COX10: variants seen among roughly 807,000 people sequenced by gnomAD.
COX10 encodes cytochrome c oxidase assembly factor heme A:farnesyltransferase COX10.
A neutral mutation model predicts 37.3 loss-of-function variants in COX10; 27 were observed. That is an observed-to-expected ratio of 0.72 (90% confidence interval 0.53 to 1.00). The LOEUF (loss-of-function observed/expected upper bound fraction) is 1.00, where lower values mean the gene tolerates loss of function less well. Among genes scored for constraint, COX10 ranks in the 50% least tolerant of loss-of-function variants. The probability of loss-of-function intolerance (pLI) is 0.00; values close to 1 mark genes in which losing one functional copy is unlikely to be tolerated. For missense variants in COX10, 475 were observed against 563.2 expected (o/e 0.84, Z 1.59); for synonymous variants, 222 against 229.1 (o/e 0.97, Z 0.28).
intron 6 of COX10, among the ~76,000 whole-genome samples, chr17:14,205,538 C>G (rs530452266): frequency 6.6e-6 from 1 of 152,306 alleles, no homozygotes; most frequent in African/African-American, 2.4e-5. Context: ...GCCATGGTAT[C>G]CCCAGTGCCT....
chr17:14,070,053 C>G (rs972752501), intron 1 of COX10, among the ~76,000 whole-genome samples: 2 of 152,182 alleles, frequency 1.3e-5, no homozygotes, highest in African/African-American at 4.8e-5. Context: ...AAGCCTTGTT[C>G]CAATATAAAG....
chr17:14,097,482 G>A (rs992460934), intron 3 of COX10, among the ~76,000 whole-genome samples: 5 of 151,828 alleles, frequency 3.3e-5, no homozygotes, highest in Non-Finnish European at 7.4e-5. Context: ...ATAAAACACC[G>A]TTCTTGTCCC....
chr17:14,159,976 C>G, intron 5 of COX10, 29 bp downstream of exon 5: 1 of 1,564,176 alleles, frequency 6.4e-7, no homozygotes, highest in Non-Finnish European at 8.8e-7. Context: ...GTGTCTTCCA[C>G]ATTATAAAAC....
chr17:14,184,230 G>A (rs1597541343), intron 5 of COX10, among the ~76,000 whole-genome samples: 1 of 152,166 alleles, frequency 6.6e-6, no homozygotes, highest in African/African-American at 2.4e-5. Context: ...CATTGAAAGA[G>A]CCATAATACA....
chr17:14,159,939 A>G lies in COX10; in HGVS notation c.687A>G (p.Gly229=), dbSNP rs947066094. The G allele has an allele frequency of 6.2e-7, 1 of 1,611,968 alleles. No individual in the cohort carries two copies. ...NRTKNRPLVR[G]QISPLLAVSF... is the part of the protein sequence containing the mutation. ...CAAAGAACAGACCGCTGGTTCGTGG[A>G]CAGATCAGGTAAAATCACGAATACA... The change falls in exon 5 of 7, where the codon GGA becomes GGG. Residue 229 remains glycine, a synonymous_variant. Transcript: ENST00000261643.
chr17:14,181,898 A>G, intron 5 of COX10: 3 of 688,790 alleles, frequency 4.4e-6, no homozygotes, highest in Non-Finnish European at 3.6e-6. Context: ...TTAATTTAAG[A>G]TGAATTGGTG....
At chr17:14,116,233 A>G (rs1363546580) in intron 4 of COX10, among the ~76,000 whole-genome samples, 2 of 152,154 alleles carry the variant, frequency 1.3e-5, no homozygotes, top group Non-Finnish European at 2.9e-5. Context: ...TCAGTTACCC[A>G]CAGTCAACTG....
intron 5 of COX10, among the ~76,000 whole-genome samples, chr17:14,169,208 A>C (rs746386490): frequency 6.6e-6 from 1 of 152,222 alleles, no homozygotes; most frequent in Non-Finnish European, 1.5e-5. Context: ...GCAGGGGCAT[A>C]ATGTCTCTTT....
intron 3 of COX10, among the ~76,000 whole-genome samples, chr17:14,091,015 A>C (rs1221376916): frequency 2.0e-5 from 3 of 152,208 alleles, no homozygotes; most frequent in Admixed American, 6.6e-5. Context: ...TGAACAGCTT[A>C]GCCTTTTAAT....
chr17:14,075,765 C>G (rs886628265), intron 2 of COX10, among the ~76,000 whole-genome samples: 1 of 151,874 alleles, frequency 6.6e-6, no homozygotes, highest in South Asian at 2.1e-4. Context: ...CCGAGGCGGG[C>G]GGATCATGAG....
chr17:14,149,350 G>C (rs1904823837), intron 4 of COX10, among the ~76,000 whole-genome samples: 1 of 152,148 alleles, frequency 6.6e-6, no homozygotes, highest in Admixed American at 6.6e-5. Flanking sequence ...GAAATGAAAT[G>C]ATTTGAAGTG....
At chr17:14,177,178 C>A (rs542238004) in intron 5 of COX10, 22 of 688,164 alleles carry the variant, frequency 3.2e-5, no homozygotes, top group Non-Finnish European at 5.5e-5. Flanking sequence ...AGGAATGTCT[C>A]GTCTTCTTCA....
At chr17:14,076,193 C>G (rs1487476813) in intron 2 of COX10, among the ~76,000 whole-genome samples, 1 of 131,776 alleles carries the variant, frequency 7.6e-6, no homozygotes. Context: ...ACAGCTCAAT[C>G]TCCTAGGCTC....
chr17:14,180,595 G>C (rs1384673695), intron 5 of COX10, among the ~76,000 whole-genome samples: 1 of 152,106 alleles, frequency 6.6e-6, no homozygotes, highest in Non-Finnish European at 1.5e-5. Flanking sequence ...GGATTCTTCT[G>C]TTCTCATCTC....
chr17:14,196,011 G>C (rs917289167), intron 6 of COX10, among the ~76,000 whole-genome samples: 1 of 151,964 alleles, frequency 6.6e-6, no homozygotes, highest in African/African-American at 2.4e-5. Flanking sequence ...TTTTATCTTA[G>C]GGGACATGTA....
chr17:14,135,032 C>T (rs552873911), intron 4 of COX10, among the ~76,000 whole-genome samples: 26 of 151,476 alleles, frequency 1.7e-4, no homozygotes, highest in African/African-American at 9.7e-5. Flanking sequence ...CAGTATATAA[C>T]GATGCATATA....
intron 4 of COX10, among the ~76,000 whole-genome samples, chr17:14,140,149 C>A (rs1904493589): frequency 6.6e-6 from 1 of 152,048 alleles, no homozygotes; most frequent in Non-Finnish European, 1.5e-5. Flanking sequence ...ATTTCCCAAC[C>A]ATGTGCAAAT....
At chr17:14,081,815 A>T (rs888769841) in intron 3 of COX10, among the ~76,000 whole-genome samples, 1 of 152,176 alleles carries the variant, frequency 6.6e-6, no homozygotes, top group African/African-American at 2.4e-5. Flanking sequence ...TGGCATTTGG[A>T]TTTGCTGCCC....
intron 5 of COX10, among the ~76,000 whole-genome samples, chr17:14,160,606 C>T (rs969302821): frequency 2.6e-5 from 4 of 152,056 alleles, no homozygotes; most frequent in Non-Finnish European, 1.5e-5. Flanking sequence ...CAGGCAATGC[C>T]CTCATGGAGC....
Sources: allele counts gnomAD v4.1 joint callset (sites outside exome capture counted in the v4.1 genomes callset), GRCh38; gene constraint gnomAD v4.1.1; transcripts MANE v1.5; gene names NCBI Gene and HGNC (gene_info 2026-07-23, HGNC 2026-07-21).